RTN4RL1: variants seen among roughly 807,000 people sequenced by gnomAD.
The protein encoded by RTN4RL1 is reticulon-4 receptor-like 1.
Under a neutral mutation model 25.6 loss-of-function variants are expected in RTN4RL1, and 7 were observed. The ratio of observed to expected loss-of-function variants is 0.27; its 90% CI spans 0.16 to 0.51. The LOEUF (loss-of-function observed/expected upper bound fraction) is 0.51, where lower values mean the gene tolerates loss of function less well. Ranked by LOEUF, RTN4RL1 falls within the 20% of genes least tolerant of loss-of-function variation. RTN4RL1 has a pLI of 0.97. For missense variants in RTN4RL1, 500 were observed against 615.6 expected, an observed-to-expected ratio of 0.81 and a Z score of 1.99; for synonymous variants, 297 against 288.2, an observed-to-expected ratio of 1.03 and a Z score of -0.31.
At chr17:1,991,743 C>T (rs1430237685) in intron 1 of RTN4RL1, among the ~76,000 whole-genome samples, 3 of 152,186 alleles carry the variant, frequency 2.0e-5, no homozygotes, top group Non-Finnish European at 4.4e-5. Flanking sequence ...AGCGGAAAAT[C>T]CCATCGCACG....
At chr17:1,975,812 T>A (rs1215584851) in intron 1 of RTN4RL1, among the ~76,000 whole-genome samples, 2 of 152,162 alleles carry the variant, frequency 1.3e-5, no homozygotes, top group Admixed American at 1.3e-4. Context: ...TCTGACACAG[T>A]TTCTTTCAAG....
chr17:2,003,409 C>G (rs1304481749), intron 1 of RTN4RL1: 2 of 152,130 alleles, frequency 1.3e-5, no homozygotes, highest in African/African-American at 2.4e-5. Flanking sequence ...AGAGTCCCCC[C>G]AGAGCCTGCC....
intron 1 of RTN4RL1, among the ~76,000 whole-genome samples, chr17:2,001,925 C>CT (rs1488250969): frequency 1.0e-4 from 6 of 59,998 alleles, no homozygotes; most frequent in African/African-American, 2.9e-4. Flanking sequence ...TCACTTCAGC[C>CT]CTGGGGGAGG....
rs35830030 is a variant in RTN4RL1 at position 1,956,738 on chromosome 17, C to CT, written c.14-18931dup. 4.4e-3 allele frequency among the ~76,000 whole-genome samples: 579 copies of CT among 132,584 alleles called. 6 individuals are homozygous for CT. Among genetic ancestry groups the CT allele is most frequent in the African/African-American group, 0.014 (485 of 34,880 alleles). 87.0% of individuals were successfully genotyped at this position (132,584 alleles called of 152,430 possible). ...AACATCACTGCATACCTGTCGGGAACTTTTTTTTTTTTTTTTTTTTTTAAG... is the reference window on the plus strand; with the variant it reads ...AACATCACTGCATACCTGTCGGGAACTTTTTTTTTTTTTTTTTTTTTTTAAG... On this transcript the variant is annotated intron_variant, in intron 1 of 1. Transcript: ENST00000331238.
intron 1 of RTN4RL1, among the ~76,000 whole-genome samples, chr17:2,002,317 G>A (rs1432074855): frequency 6.8e-6 from 1 of 146,048 alleles, no homozygotes; most frequent in Non-Finnish European, 1.5e-5. Context: ...TTTTGAGACG[G>A]AGTCTTGCTC....
chr17:2,014,023 C>T lies in RTN4RL1; in HGVS notation c.13+10830G>A, dbSNP rs548499615. ...CTCTGTTTCAACCTCTCACTCAGTT[C>T]CTGGCATTTCCTTGGATCATTTCCC... On this transcript the variant is annotated intron_variant, in intron 1 of 1. Coordinates refer to ENST00000331238, the MANE Select transcript of RTN4RL1 (RefSeq NM_178568.4). Among the ~76,000 whole-genome samples the T allele has an allele frequency of 2.6e-5, 4 of 152,348 alleles. No individual in the cohort carries two copies. The East Asian group carries it at 7.7e-4, about 29-fold the overall frequency.
At chr17:1,987,233 C>T (rs2066891113) in intron 1 of RTN4RL1, among the ~76,000 whole-genome samples, 1 of 152,146 alleles carries the variant, frequency 6.6e-6, no homozygotes, top group Non-Finnish European at 1.5e-5. Context: ...AGAGCCAGCT[C>T]AGCCCCCACC....
chr17:1,962,677 C>T (rs1192171592), intron 1 of RTN4RL1, among the ~76,000 whole-genome samples: 1 of 151,816 alleles, frequency 6.6e-6, no homozygotes, highest in Non-Finnish European at 1.5e-5. Flanking sequence ...TCAGCCCGGC[C>T]AACATGGTGA....
rs1000171985 is a variant in RTN4RL1, at chr17:1,936,311, G to A, written c.*185C>T. The A allele has an allele frequency of 3.8e-5, 53 of 1,405,598 alleles. No individual in the cohort carries two copies. In the East Asian group the frequency reaches 6.6e-4, roughly 18 times the overall value. 87.1% of individuals were successfully genotyped at this position (1,405,598 alleles called of 1,614,324 possible). A position where few individuals can be genotyped will look rare whatever the true frequency, so the allele number is the denominator to read the frequency against. On this transcript the variant is annotated 3_prime_UTR_variant, in exon 2 of 2. Coordinates refer to ENST00000331238, the MANE Select transcript of RTN4RL1 (RefSeq NM_178568.4). ...CGGCTGAGAAGCGCCACCCCCTCCC[G>A]CCTAGGGCTGTACACTTTGGGTTTA...
At chr17:1,990,216 G>A (rs1268877770) in intron 1 of RTN4RL1, among the ~76,000 whole-genome samples, 1 of 151,920 alleles carries the variant, frequency 6.6e-6, no homozygotes, top group African/African-American at 2.4e-5. Context: ...AAAATTAGCC[G>A]GGCATGGTGG....
Position 1,937,279 on chromosome 17 carries a change from G to C in RTN4RL1, c.543C>G (p.His181Gln). 1.2e-6 allele frequency: 2 copies of C among 1,612,856 alleles called. No individual in the cohort carries two copies. The highest frequency in any genetic ancestry group is 1.1e-5 in the South Asian group (1 of 91,086). Reference sequence around the variant, plus strand: ...GGCCCAGACTCCACAGCTTGTTGCCGTGGAGAAACAGGTGGCTGAGGTTGA... The same window carrying C: ...GGCCCAGACTCCACAGCTTGTTGCCCTGGAGAAACAGGTGGCTGAGGTTGA... ...DLVNLSHLFL[H>Q]GNKLWSLGPG... is the part of the protein sequence containing the mutation. The change falls in exon 2 of 2, where the codon CAC becomes CAG. Residue 181 changes from histidine (H) to glutamine (Q), a missense_variant. His to Gln is a conservative substitution (Grantham distance 24). Transcript: ENST00000331238.
At position 1,939,150 on chromosome 17, in the gene RTN4RL1, A is replaced by T. The variant is rs1915382084; in HGVS notation, c.14-1342T>A. ...GGCGGATCACGAGGTCAGGAGATCG[A>T]GACCATCCTGGCTAACACGGCGAAA... On this transcript the variant is annotated intron_variant, in intron 1 of 1. Coordinates refer to ENST00000331238, the MANE Select transcript of RTN4RL1 (RefSeq NM_178568.4). Among the ~76,000 whole-genome samples, 6 of 152,124 alleles carry T rather than the reference A, an allele frequency of 3.9e-5. No homozygotes were observed. In the South Asian group the frequency reaches 1.2e-3, roughly 32 times the overall value.
At chr17:1,956,989 C>T (rs1490689418) in intron 1 of RTN4RL1, among the ~76,000 whole-genome samples, 1 of 152,216 alleles carries the variant, frequency 6.6e-6, no homozygotes, top group East Asian at 1.9e-4. Flanking sequence ...ATCCACCCGC[C>T]TTGGCCTCCC....
intron 1 of RTN4RL1, among the ~76,000 whole-genome samples, chr17:1,940,850 C>T (rs1915423951): frequency 6.6e-6 from 1 of 152,206 alleles, no homozygotes; most frequent in Non-Finnish European, 1.5e-5. Context: ...CCCCTCCTAG[C>T]TCAAGGGTGT....
intron 1 of RTN4RL1, among the ~76,000 whole-genome samples, chr17:2,016,015 C>A (rs980446812): frequency 6.6e-6 from 1 of 152,208 alleles, no homozygotes; most frequent in Non-Finnish European, 1.5e-5. Context: ...CCCCCTGGGT[C>A]TGGCTCTGAT....
intron 1 of RTN4RL1, among the ~76,000 whole-genome samples, chr17:1,941,007 G>A (rs1365766198): frequency 2.0e-5 from 3 of 152,170 alleles, no homozygotes; most frequent in Non-Finnish European, 2.9e-5. Context: ...ATATGTGTCC[G>A]GCTCAGCGCT....
intron 1 of RTN4RL1, among the ~76,000 whole-genome samples, chr17:1,967,540 T>C (rs1326984061): frequency 6.6e-6 from 1 of 152,098 alleles, no homozygotes; most frequent in Non-Finnish European, 1.5e-5. Flanking sequence ...GCCTCCTCCC[T>C]GGCCTCTCCC....
rs1263457841 is a variant in RTN4RL1 at position 1,934,831 on chromosome 17, CG to C, written c.*1664del. On this transcript the variant is annotated 3_prime_UTR_variant, in exon 2 of 2. Coordinates refer to ENST00000331238, the MANE Select transcript of RTN4RL1 (RefSeq NM_178568.4). The surrounding 1 kb of genome is among the most constrained non-coding windows in gnomAD (Gnocchi z 4.0). ...CCACCTGGGCCCCCGGCCAGCAGCA[CG>C]GCCGGCTTTGATCGGAGCCCCTCTT... 1 of 152,650 alleles carries C rather than the reference CG, an allele frequency of 6.6e-6. No individual in the cohort carries two copies. The highest frequency in any genetic ancestry group is 1.5e-5 in the Non-Finnish European group (1 of 68,098). The allele number at this position is 152,650 out of a possible 1,614,324, so 9.5% of individuals were successfully genotyped here.
intron 1 of RTN4RL1, among the ~76,000 whole-genome samples, chr17:1,979,441 C>A (rs2066857398): frequency 6.6e-6 from 1 of 151,932 alleles, no homozygotes; most frequent in African/African-American, 2.4e-5. Context: ...TGCGCCACTG[C>A]ACTCCAGCCT....
Sources: gnomAD v4.1 joint callset for allele counts (sites outside exome capture counted in the v4.1 genomes callset) on GRCh38, gnomAD v4.1.1 for gene constraint, Gnocchi (gnomAD v3.1) non-coding constraint, MANE v1.5 for transcripts, NCBI Gene and HGNC (gene_info 2026-07-23, HGNC 2026-07-21) for gene names.